Variants in ZNF3 observed in about 807,000 individuals in gnomAD.
ZNF3 encodes C2-H2 type zinc finger protein.
A neutral mutation model predicts 36.9 loss-of-function variants in ZNF3; 16 were observed. The observed-to-expected ratio is 0.43, with a 90% CI of 0.29 to 0.66. The LOEUF (loss-of-function observed/expected upper bound fraction) is 0.66. ZNF3 is among the 30% of genes least tolerant of loss of function. The probability of loss-of-function intolerance (pLI) is 0.13; values close to 1 mark genes in which losing one functional copy is unlikely to be tolerated. For missense variants in ZNF3, 462 were observed against 543.1 expected (o/e 0.85, Z 1.48); for synonymous variants, 201 against 201.9 (o/e 1.00, Z 0.04).
downstream of ZNF3, among the ~76,000 whole-genome samples, chr7:100,065,639 G>A (rs1792613889): frequency 1.3e-5 from 2 of 151,696 alleles, no homozygotes; most frequent in African/African-American, 4.8e-5. Context: ...TTCCATTCAG[G>A]GTGTGGTATT....
Position 100,071,595 on chromosome 7 carries a change from A to G in ZNF3, c.889T>C (p.Ser297Pro). Residue 297 changes from serine to proline, a missense_variant, in exon 6 of 6, where the codon TCC becomes CCC. By Grantham distance (74) the Ser-to-Pro change is moderately conservative (BLOSUM62 -1). Coordinates refer to ENST00000299667, the MANE Select transcript of ZNF3 (RefSeq NM_032924.5). ...NECGKTFSWS[S>P]TLTHHQRIHT... ...ATTCTCTGATGGTGGGTGAGGGTGGAGCTCCAGCTGAAGGTCTTCCCACAC... is the reference window on the plus strand; with the variant it reads ...ATTCTCTGATGGTGGGTGAGGGTGGGGCTCCAGCTGAAGGTCTTCCCACAC... The G allele has an allele frequency of 6.2e-7, 1 of 1,613,976 alleles. No homozygotes were observed. The highest frequency in any genetic ancestry group is 1.3e-5 in the African/African-American group (1 of 74,990).
Position 100,077,386 on chromosome 7 carries a change from G to C in ZNF3, c.-29C>G, listed in dbSNP as rs1483466768. ...AGGGCAAGGTGCTCTCTGGTCTCCT[G>C]GGTGCAGACTCAGCGGGAAGCGGGT... On this transcript the variant is annotated 5_prime_UTR_variant, in exon 3 of 6. Transcript: ENST00000299667. 1 of 1,613,602 alleles carries C rather than the reference G, an allele frequency of 6.2e-7. No individual in the cohort carries two copies. Among genetic ancestry groups the C allele is most frequent in the East Asian group, 2.2e-5 (1 of 44,856 alleles).
chr7:100,074,131 G>A (rs1400247837), intron 5 of ZNF3, among the ~76,000 whole-genome samples: 2 of 151,926 alleles, frequency 1.3e-5, no homozygotes, highest in Admixed American at 6.6e-5. Context: ...CTCCAGCCTG[G>A]CAACAAGAGT....
intron 5 of ZNF3, among the ~76,000 whole-genome samples, chr7:100,072,624 G>A (rs549211384): frequency 1.1e-4 from 16 of 152,178 alleles, no homozygotes; most frequent in African/African-American, 3.1e-4. Flanking sequence ...GTGAGAAAAG[G>A]GGGGAAGGGT....
At position 100,076,090 on chromosome 7, in the gene ZNF3, A is replaced by G. The variant is rs1339303673; in HGVS notation, c.56-460T>C. Among the ~76,000 whole-genome samples, 2 of 149,594 alleles carry G rather than the reference A, an allele frequency of 1.3e-5. 1 individual carries two copies. The highest frequency in any genetic ancestry group is 1.3e-4 in the Admixed American group (2 of 14,872). ...TGGGCTCAAGTGATCCTCCTGCCTC[A>G]GCCTCCCAAATAGCTGGGATTACAG... On this transcript the variant is annotated intron_variant, in intron 3 of 5. Coordinates refer to ENST00000299667, the MANE Select transcript of ZNF3 (RefSeq NM_032924.5).
Position 100,081,025 on chromosome 7 carries a change from T to C in ZNF3, c.-198+610A>G, listed in dbSNP as rs570592963. ...AAGCCCTTCAGAGTGTAAACACCGA[T>C]GTGGATTCAATCCCACTTCCGGAGA... On this transcript the variant is annotated intron_variant, in intron 1 of 5. Coordinates refer to ENST00000299667, the MANE Select transcript of ZNF3 (RefSeq NM_032924.5). The surrounding 1 kb of genome is among the most constrained non-coding windows in gnomAD (Gnocchi z 4.3). Among the ~76,000 whole-genome samples, 1 of 152,292 alleles carries C rather than the reference T, an allele frequency of 6.6e-6. No homozygotes were observed. The highest frequency in any genetic ancestry group is 2.4e-5 in the African/African-American group (1 of 41,574).
chr7:100,080,045 AAAG>A (rs919680779), intron 1 of ZNF3, among the ~76,000 whole-genome samples: 1 of 152,148 alleles, frequency 6.6e-6, no homozygotes, highest in Non-Finnish European at 1.5e-5. Flanking sequence ...AAAGGAAAAA[AAAG>A]AGAATACTTA....
At position 100,070,001 on chromosome 7, in the gene ZNF3, T is replaced by C; in HGVS notation, c.*1142A>G. The stretch of plus-strand genomic sequence containing the variant: ...TCTGAAAAACTATTCTGTTTAATAG[T>C]GCACTTCATTTATGCTACAGGATGA... On this transcript the variant is annotated 3_prime_UTR_variant, in exon 6 of 6. Transcript: ENST00000299667. 1 of 985,864 alleles carries C rather than the reference T, an allele frequency of 1.0e-6. No homozygotes were observed. Among genetic ancestry groups the C allele is most frequent in the Non-Finnish European group, 1.2e-6 (1 of 829,934 alleles). The allele number at this position is 985,864 out of a possible 1,614,324, so 61.1% of individuals were successfully genotyped here.
chr7:100,077,929 C>T (rs1005559785), intron 2 of ZNF3: 1 of 152,282 alleles, frequency 6.6e-6, no homozygotes, highest in African/African-American at 2.4e-5. Flanking sequence ...GGGATTTCAC[C>T]ATGTCAGCCA....
rs1225272773 is a variant in ZNF3, at chr7:100,071,549, T to A, written c.935A>T (p.Tyr312Phe). The change falls in exon 6 of 6, where the codon TAC becomes TTC. Residue 312 changes from tyrosine (Y) to phenylalanine (F), a missense_variant. By Grantham distance (22) the Tyr-to-Phe change is conservative. Transcript: ENST00000299667. ...HQRIHTGEKP[Y>F]ACNECGKAFS... ...GGCCTTCCCACATTCATTGCAGGCGTAGGGTTTCTCACCAGTGTGGATTCT... is the reference window on the plus strand; with the variant it reads ...GGCCTTCCCACATTCATTGCAGGCGAAGGGTTTCTCACCAGTGTGGATTCT... 10 of 1,613,866 alleles carry A rather than the reference T, an allele frequency of 6.2e-6. No individual in the cohort carries two copies. The highest frequency in any genetic ancestry group is 8.5e-6 in the Non-Finnish European group (10 of 1,179,996).
At chr7:100,076,251 T>C (rs1794090825) in intron 3 of ZNF3, among the ~76,000 whole-genome samples, 2 of 151,972 alleles carry the variant, frequency 1.3e-5, no homozygotes, top group Admixed American at 6.6e-5. Flanking sequence ...CTAAAAATGT[T>C]CCCTGTTTCT....
chr7:100,075,001 G>T, intron 5 of ZNF3, 134 bp downstream of exon 5: 1 of 1,153,790 alleles, frequency 8.7e-7, no homozygotes, highest in Non-Finnish European at 1.2e-6. Flanking sequence ...ATGTTGCACT[G>T]AGCAAAGATT....
In ZNF3 at chr7:100,064,901, CGT is replaced by C; in HGVS notation, c.281_282del (p.His94ArgfsTer27). Reference sequence around the variant, plus strand: ...ATTACCTTTTGCGTAGTTAAACAGACGTGTATCCAGTCTAGTTAAGGAAGAAA... The same window carrying C: ...ATTACCTTTTGCGTAGTTAAACAGACGTATCCAGTCTAGTTAAGGAAGAAA... On this transcript the variant is annotated frameshift_variant, in exon 6 of 6. Transcript: ENST00000413658. LOFTEE classifies it low-confidence loss of function (END_TRUNC). 1 of 1,613,914 alleles carries C rather than the reference CGT, an allele frequency of 6.2e-7. No homozygotes were observed. The highest frequency in any genetic ancestry group is 1.3e-5 in the African/African-American group (1 of 74,984).
intron 2 of ZNF3, among the ~76,000 whole-genome samples, chr7:100,078,303 T>C (rs1029703997): frequency 6.7e-6 from 1 of 149,488 alleles, no homozygotes; most frequent in African/African-American, 2.5e-5. Context: ...GAGACCAGCC[T>C]GGCCAGGATG....
intron 2 of ZNF3, chr7:100,077,748 A>T (rs567657543): frequency 2.5e-5 from 4 of 160,060 alleles, no homozygotes; most frequent in African/African-American, 9.6e-5. Flanking sequence ...ATTTTTTTTA[A>T]GACGGAATTT....
At chr7:100,066,922 C>A (rs1410392885), downstream of ZNF3, among the ~76,000 whole-genome samples, 2 of 152,140 alleles carry the variant, frequency 1.3e-5, no homozygotes, top group Admixed American at 1.3e-4. Flanking sequence ...GTAGTCCCAG[C>A]TACTCAGGAG....
At chr7:100,073,311 C>T (rs183367389) in intron 5 of ZNF3, among the ~76,000 whole-genome samples, 90 of 152,276 alleles carry the variant, frequency 5.9e-4, no homozygotes, top group African/African-American at 2.1e-3. Context: ...AGGAATTCTA[C>T]ATCCTAAAAG....
Position 100,075,339 on chromosome 7 carries a change from G to C in ZNF3, c.145-78C>G, listed in dbSNP as rs186645590. The C allele has an allele frequency of 1.9e-6, 3 of 1,610,886 alleles. No individual in the cohort carries two copies. The Admixed American group carries it at 5.0e-5, about 27-fold the overall frequency. ...GCACCAAAAAAATCACTGAGGATGGGGTGAAAAATGCACATTTGGGAAGGG... is the reference window on the plus strand; with the variant it reads ...GCACCAAAAAAATCACTGAGGATGGCGTGAAAAATGCACATTTGGGAAGGG... On this transcript the variant is annotated intron_variant, in intron 4 of 5. Coordinates refer to ENST00000299667, the MANE Select transcript of ZNF3 (RefSeq NM_032924.5).
rs1793238459 is a variant in ZNF3 at position 100,071,972 on chromosome 7, C to A, written c.512G>T (p.Ser171Ile). The change falls in exon 6 of 6, where the codon AGC (serine) becomes ATC (isoleucine). Residue 171 changes from serine (S) to isoleucine (I), a missense_variant. Physicochemically the swap from Ser to Ile is moderately radical, Grantham distance 142. Coordinates refer to ENST00000299667, the MANE Select transcript of ZNF3 (RefSeq NM_032924.5). ...EEKLTPRGER[S>I]EKYNDFGNSF... ...GTTCCCAAAATCATTATATTTCTCG[C>A]TTCTCTCTCCCCTGGGGGTTAGCTT... 2 of 1,613,972 alleles carry A rather than the reference C, an allele frequency of 1.2e-6. No homozygotes were observed. Among genetic ancestry groups the A allele is most frequent in the Non-Finnish European group, 1.7e-6 (2 of 1,179,996 alleles).
Sources: allele counts gnomAD v4.1 joint callset (sites outside exome capture counted in the v4.1 genomes callset), GRCh38; gene constraint gnomAD v4.1.1; non-coding constraint Gnocchi (gnomAD v3.1); transcripts MANE v1.5; gene names NCBI Gene and HGNC (gene_info 2026-07-23, HGNC 2026-07-21).